The following UBL3 variants were observed in gnomAD, a reference collection of about 807,000 sequenced individuals.
UBL3 encodes the protein ubiquitin-like protein 3.
Under a neutral mutation model 18.4 loss-of-function variants are expected in UBL3, and 6 were observed. That is an observed-to-expected ratio of 0.33 (90% CI 0.18 to 0.64). UBL3 has a LOEUF of 0.64. Among genes scored for constraint, UBL3 ranks in the 30% least tolerant of loss-of-function variants. The pLI, the probability that UBL3 is intolerant of heterozygous loss-of-function variation, is 0.76. For missense variants in UBL3, 109 were observed against 142.9 expected (o/e 0.76, Z 1.21); for synonymous variants, 49 against 46.6 (o/e 1.05, Z -0.21).
chr13:29,834,137 C>T (rs1026176642), intron 1 of UBL3, among the ~76,000 whole-genome samples: 26 of 149,546 alleles, frequency 1.7e-4, no homozygotes, highest in African/African-American at 2.5e-4. Context: ...GCTGAGATCG[C>T]GCCACAGTGC....
At chr13:29,827,352 T>G (rs1407169006) in intron 1 of UBL3, among the ~76,000 whole-genome samples, 1 of 152,232 alleles carries the variant, frequency 6.6e-6, no homozygotes, top group African/African-American at 2.4e-5. Context: ...ATTTGCTTTA[T>G]GAATCTGGGT....
intron 1 of UBL3, among the ~76,000 whole-genome samples, chr13:29,825,429 G>T (rs1441727030): frequency 2.0e-5 from 3 of 152,130 alleles, no homozygotes; most frequent in Admixed American, 2.0e-4. Context: ...TCCCTTGTAA[G>T]TTGGATTCCT....
At chr13:29,800,423 T>C (rs1877730792) in intron 1 of UBL3, among the ~76,000 whole-genome samples, 1 of 152,152 alleles carries the variant, frequency 6.6e-6, no homozygotes, top group Admixed American at 6.5e-5. Flanking sequence ...GAAAAGTCAT[T>C]TGGCAATTAA....
chr13:29,842,245 C>A (rs765592598), intron 1 of UBL3, among the ~76,000 whole-genome samples: 1 of 151,512 alleles, frequency 6.6e-6, no homozygotes, highest in African/African-American at 2.4e-5. Flanking sequence ...GCAACCTCCA[C>A]CTCCTGGGTT....
intron 1 of UBL3, among the ~76,000 whole-genome samples, chr13:29,777,784 G>C (rs962540398): frequency 2.0e-5 from 3 of 150,910 alleles, no homozygotes; most frequent in Non-Finnish European, 4.4e-5. Context: ...ATGTTTTTTT[G>C]AGACAGAGTC....
chr13:29,849,784 CCGTCGTCGT>C lies in UBL3; in HGVS notation c.-255_-247del, dbSNP rs993080564. The C allele has an allele frequency of 5.1e-6, 3 of 590,702 alleles. No homozygotes were observed. Among genetic ancestry groups the C allele is most frequent in the Non-Finnish European group, 8.9e-6 (3 of 335,626 alleles). The allele number at this position is 590,702 out of a possible 1,614,324, so 36.6% of individuals were successfully genotyped here. A position where few individuals can be genotyped will look rare whatever the true frequency, so the allele number is the denominator to read the frequency against. ...ACTCCCGGGACAGCAGAGGCAGCCC[CCGTCGTCGT>C]CGTCGTCGTCAACAGCAGCAGCAGC... On this transcript the variant is annotated 5_prime_UTR_variant, in exon 1 of 5. Transcript: ENST00000380680.
In UBL3 at chr13:29,849,646, T is replaced by G; in HGVS notation, c.-108A>C. On this transcript the variant is annotated 5_prime_UTR_variant, in exon 1 of 5. Coordinates refer to ENST00000380680, the MANE Select transcript of UBL3 (RefSeq NM_007106.4). ...AACCACGATTTTGACTGGTTCGTGA[T>G]GTGCTTTCTCCCCCAAAAATAAAGT... 1 of 1,411,946 alleles carries G rather than the reference T, an allele frequency of 7.1e-7. No individual in the cohort carries two copies. The highest frequency in any genetic ancestry group is 9.9e-7 in the Non-Finnish European group (1 of 1,014,080). The allele number at this position is 1,411,946 out of a possible 1,614,324, so 87.5% of individuals were successfully genotyped here.
intron 1 of UBL3, among the ~76,000 whole-genome samples, chr13:29,796,913 T>C (rs1877627981): frequency 6.6e-6 from 1 of 152,168 alleles, no homozygotes; most frequent in South Asian, 2.1e-4. Flanking sequence ...CTTCATATTC[T>C]AGATTTAGAA....
chr13:29,774,399 C>T (rs1009977422), intron 2 of UBL3, among the ~76,000 whole-genome samples: 1 of 151,878 alleles, frequency 6.6e-6, no homozygotes, highest in Non-Finnish European at 1.5e-5. Context: ...ACTATGACCG[C>T]TCCCCCCAAA....
At chr13:29,810,022 T>G (rs1364981233) in intron 1 of UBL3, among the ~76,000 whole-genome samples, 1 of 152,134 alleles carries the variant, frequency 6.6e-6, no homozygotes, top group Non-Finnish European at 1.5e-5. Context: ...CACAGTTGGT[T>G]AATCCACAGA....
chr13:29,831,715 AAAG>A (rs146581139), intron 1 of UBL3, among the ~76,000 whole-genome samples: 8,786 of 152,030 alleles, frequency 0.058, 358 homozygotes, highest in East Asian at 0.16. Flanking sequence ...ATAGAAAAAA[AAAG>A]AACGCTGACA....
chr13:29,797,287 GA>G (rs1877638996), intron 1 of UBL3, among the ~76,000 whole-genome samples: 1 of 152,162 alleles, frequency 6.6e-6, no homozygotes, highest in East Asian at 1.9e-4. Context: ...TTGTGAAAGA[GA>G]TATGATGTTC....
Position 29,791,723 on chromosome 13 carries a change from C to T in UBL3, c.28-14460G>A, listed in dbSNP as rs533903493. The stretch of plus-strand genomic sequence containing the variant: ...ACTGTCACCATAGGGTCCATGCTTG[C>T]CTAGGACAATTCTGACTCATGTTTG... On this transcript the variant is annotated intron_variant, in intron 1 of 4. Transcript: ENST00000380680. Among the ~76,000 whole-genome samples the T allele has an allele frequency of 3.9e-5, 6 of 152,246 alleles. No individual in the cohort carries two copies. In the South Asian group the frequency reaches 1.0e-3, roughly 26 times the overall value.
intron 1 of UBL3, among the ~76,000 whole-genome samples, chr13:29,834,769 G>A (rs181748464): frequency 6.6e-6 from 1 of 151,984 alleles, no homozygotes; most frequent in African/African-American, 2.4e-5. Flanking sequence ...AGTGAAGAAT[G>A]GTCAAAAAGT....
chr13:29,848,718 C>T (rs1485731881), intron 1 of UBL3, among the ~76,000 whole-genome samples: 1 of 152,122 alleles, frequency 6.6e-6, no homozygotes, highest in Admixed American at 6.5e-5. Flanking sequence ...TAAGGTTACA[C>T]GGTTACTGTT....
intron 1 of UBL3, among the ~76,000 whole-genome samples, chr13:29,839,907 A>G (rs1174034644): frequency 6.6e-6 from 1 of 150,604 alleles, no homozygotes; most frequent in Non-Finnish European, 1.5e-5. Flanking sequence ...AGCCTGGGCG[A>G]CAGAGTGAGA....
chr13:29,818,636 T>C (rs1025035080), intron 1 of UBL3, among the ~76,000 whole-genome samples: 1 of 152,192 alleles, frequency 6.6e-6, no homozygotes, highest in Admixed American at 6.5e-5. Context: ...CTTCACATAA[T>C]ACGCCTATCA....
At chr13:29,818,555 A>G (rs1878344283) in intron 1 of UBL3, among the ~76,000 whole-genome samples, 1 of 152,186 alleles carries the variant, frequency 6.6e-6, no homozygotes, top group African/African-American at 2.4e-5. Context: ...TTTAAGAACT[A>G]TTTTTAAATG....
Position 29,786,004 on chromosome 13 carries a change from G to A in UBL3, c.28-8741C>T, listed in dbSNP as rs558789989. Among the ~76,000 whole-genome samples, 198 of 152,316 alleles carry A rather than the reference G, an allele frequency of 1.3e-3. 1 individual carries two copies. The highest frequency in any genetic ancestry group is 4.4e-3 in the African/African-American group (183 of 41,574). On this transcript the variant is annotated intron_variant, in intron 1 of 4. Coordinates refer to ENST00000380680, the MANE Select transcript of UBL3 (RefSeq NM_007106.4). Reference sequence around the variant, plus strand: ...AAAATAATAGCTTGCCATTTATTGAGTGGTGTAGTATATTTCAGGTACTGC... The same window carrying A: ...AAAATAATAGCTTGCCATTTATTGAATGGTGTAGTATATTTCAGGTACTGC...
Sources: allele counts gnomAD v4.1 joint callset (sites outside exome capture counted in the v4.1 genomes callset), GRCh38; gene constraint gnomAD v4.1.1; transcripts MANE v1.5; gene names NCBI Gene and HGNC (gene_info 2026-07-23, HGNC 2026-07-21).